Variants in SMARCB1 observed in about 807,000 individuals in gnomAD.
SMARCB1 encodes SWI/SNF related BAF chromatin remodeling complex subunit B1, also known as SWI/SNF-related matrix-associated actin-dependent regulator of chromatin subfamily B member 1.
In SMARCB1, 5 loss-of-function variants were observed where a neutral mutation model predicts 49.0. The observed-to-expected ratio is 0.10, with a 90% CI of 0.05 to 0.21. The LOEUF (loss-of-function observed/expected upper bound fraction) is 0.21, where lower values mean the gene tolerates loss of function less well. Among genes scored for constraint, SMARCB1 ranks in the 10% least tolerant of loss-of-function variants. SMARCB1 has a pLI of 1.00. For missense variants in SMARCB1, 226 were observed against 509.2 expected (o/e 0.44, Z 5.35); for synonymous variants, 201 against 200.1 (o/e 1.00, Z -0.04).
intron 3 of SMARCB1, among the ~76,000 whole-genome samples, chr22:23,799,257 C>G (rs1282175655): frequency 1.3e-5 from 2 of 151,744 alleles, no homozygotes; most frequent in African/African-American, 2.4e-5. Context: ...AGCCCTGGAG[C>G]CTTAGTTTAA....
In SMARCB1 at chr22:23,837,195, C is replaced by T. The variant is rs376608856; in HGVS notation, c.*3015C>T. The T allele has an allele frequency of 1.9e-6, 3 of 1,609,072 alleles. No individual in the cohort carries two copies. Among genetic ancestry groups the T allele is most frequent in the Admixed American group, 1.7e-5 (1 of 59,148 alleles). Reference sequence around the variant, plus strand: ...GGACTGTGGGGTCACCCTCCACAGCCCAGAGTCCTAGACCAGCAGAGCCTG... The same window carrying T: ...GGACTGTGGGGTCACCCTCCACAGCTCAGAGTCCTAGACCAGCAGAGCCTG... On this transcript the variant is annotated 3_prime_UTR_variant, in exon 9 of 9. Transcript: ENST00000644036.
chr22:23,826,488 A>C (rs1268726264), intron 7 of SMARCB1, among the ~76,000 whole-genome samples: 1 of 151,386 alleles, frequency 6.6e-6, no homozygotes, highest in Non-Finnish European at 1.5e-5. Context: ...TAGGACTGGG[A>C]AGCCCCGTGG....
rs34725423 is a variant in SMARCB1 at position 23,806,898 on chromosome 22, C to T, written c.628+3476C>T. On this transcript the variant is annotated intron_variant, in intron 5 of 8. Coordinates refer to ENST00000644036, the MANE Select transcript of SMARCB1 (RefSeq NM_003073.5). ...TTGTGGCATTGCACTTCAACCTGGG[C>T]GACAGAGTGAGACTCTATCTCAAAA... 8.7e-3 allele frequency among the ~76,000 whole-genome samples: 1,134 copies of T among 129,732 alleles called. 7 individuals carry two copies. Among genetic ancestry groups the T allele is most frequent in the Middle Eastern group, 0.016 (3 of 186 alleles). The allele number at this position is 129,732 out of a possible 152,430, so 85.1% of individuals were successfully genotyped here. A position where few individuals can be genotyped will look rare whatever the true frequency, so the allele number is the denominator to read the frequency against.
intron 7 of SMARCB1, among the ~76,000 whole-genome samples, chr22:23,826,532 G>A (rs1014331913): frequency 6.6e-6 from 1 of 152,124 alleles, no homozygotes; most frequent in Non-Finnish European, 1.5e-5. Flanking sequence ...GGGATGGGGT[G>A]GGGGTGCAGC....
At chr22:23,804,162 ATTTAT>A (rs1700775902) in intron 5 of SMARCB1, 1 of 151,500 alleles carries the variant, frequency 6.6e-6, no homozygotes, top group Non-Finnish European at 1.5e-5. Flanking sequence ...TGAACATACT[ATTTAT>A]ATTCAGACAA....
chr22:23,813,954 C>T (rs922538289), intron 5 of SMARCB1, among the ~76,000 whole-genome samples: 1 of 152,046 alleles, frequency 6.6e-6, no homozygotes, highest in South Asian at 2.1e-4. Context: ...CTTAGTCTCC[C>T]GAGTAGGTGG....
At position 23,808,731 on chromosome 22, in the gene SMARCB1, T is replaced by C. The variant is rs183485620; in HGVS notation, c.628+5309T>C. ...TTTTTTTTTGAGACGGAGTTTCCGC[T>C]CTTGTTGCCCAGGCTGGAGTGCAGT... On this transcript the variant is annotated intron_variant, in intron 5 of 8. Coordinates refer to ENST00000644036, the MANE Select transcript of SMARCB1 (RefSeq NM_003073.5). Among the ~76,000 whole-genome samples the C allele has an allele frequency of 2.7e-3, 404 of 150,492 alleles. 3 individuals carry two copies. Among genetic ancestry groups the C allele is most frequent in the African/African-American group, 9.2e-3 (373 of 40,728 alleles).
Position 23,835,926 on chromosome 22 carries a change from G to A in SMARCB1, c.*1746G>A, listed in dbSNP as rs549121794. The A allele has an allele frequency of 1.6e-4, 159 of 985,382 alleles. No homozygotes were observed. The highest frequency in any genetic ancestry group is 1.9e-4 in the Non-Finnish European group (154 of 829,960). The allele number at this position is 985,382 out of a possible 1,614,324, so 61.0% of individuals were successfully genotyped here. A position where few individuals can be genotyped will look rare whatever the true frequency, so the allele number is the denominator to read the frequency against. On this transcript the variant is annotated 3_prime_UTR_variant, in exon 9 of 9. Coordinates refer to ENST00000644036, the MANE Select transcript of SMARCB1 (RefSeq NM_003073.5). Reference sequence around the variant, plus strand: ...TCTCCACAAGGTCTGGCTACAACACGGAGGGCAGACTCAACAGAGAACAGT... The same window carrying A: ...TCTCCACAAGGTCTGGCTACAACACAGAGGGCAGACTCAACAGAGAACAGT...
chr22:23,798,908 G>A (rs534147983), intron 3 of SMARCB1, among the ~76,000 whole-genome samples: 248 of 152,204 alleles, frequency 1.6e-3, no homozygotes, highest in Non-Finnish European at 3.1e-3. Flanking sequence ...AACTTAGCCG[G>A]GCGTGGTGGT....
chr22:23,794,165 A>T (rs1157478202), intron 3 of SMARCB1, among the ~76,000 whole-genome samples: 2 of 152,198 alleles, frequency 1.3e-5, no homozygotes, highest in African/African-American at 4.8e-5. Flanking sequence ...CTGGTCTCGA[A>T]ACCCCACCTC....
At chr22:23,815,602 G>T (rs993949657) in intron 5 of SMARCB1, 2 of 152,172 alleles carry the variant, frequency 1.3e-5, no homozygotes, top group African/African-American at 4.8e-5. Flanking sequence ...ATGAAGACAT[G>T]TTTATACAAT....
chr22:23,787,297 CGGCCCCGCGGGAGCCCCGGGGCG>C, intron 1 of SMARCB1, 35 bp downstream of exon 1: 1 of 1,362,332 alleles, frequency 7.3e-7, no homozygotes, highest in Admixed American at 1.8e-5. Flanking sequence ...TCCCCGGGCT[CGGCCCCGCGGGAGCCCCGGGGCG>C]GGCCCATGCG....
At chr22:23,787,563 C>T (rs1299985198) in intron 1 of SMARCB1, among the ~76,000 whole-genome samples, 6 of 152,202 alleles carry the variant, frequency 3.9e-5, no homozygotes, top group African/African-American at 1.4e-4. Flanking sequence ...CGCAAAGAAA[C>T]GGGATATTGA....
intron 3 of SMARCB1, among the ~76,000 whole-genome samples, chr22:23,796,874 A>C (rs1051335660): frequency 6.6e-6 from 1 of 152,130 alleles, no homozygotes; most frequent in Non-Finnish European, 1.5e-5. Context: ...CTGGCTCCAC[A>C]CTACTCAGTC....
chr22:23,789,314 C>G (rs568958078), intron 1 of SMARCB1, among the ~76,000 whole-genome samples: 1 of 152,372 alleles, frequency 6.6e-6, no homozygotes, highest in East Asian at 1.9e-4. Flanking sequence ...ACCTGCCTAA[C>G]TGCAGAATGC....
rs61000279 is a variant in SMARCB1, at chr22:23,806,919, CAAAAAAAA to C, written c.628+3511_628+3518del. Among the ~76,000 whole-genome samples, 52 of 86,856 alleles carry C rather than the reference CAAAAAAAA, an allele frequency of 6.0e-4. No individual in the cohort carries two copies. The South Asian group carries it at 0.019, about 32-fold the overall frequency. The allele number at this position is 86,856 out of a possible 152,430, so 57.0% of individuals were successfully genotyped here. On this transcript the variant is annotated intron_variant, in intron 5 of 8. Transcript: ENST00000644036. Reference sequence around the variant, plus strand: ...TGGGCGACAGAGTGAGACTCTATCTCAAAAAAAAAAAAAAAAAAAAAGGAATCAGGATT... The same window carrying C: ...TGGGCGACAGAGTGAGACTCTATCTCAAAAAAAAAAAAAGGAATCAGGATT...
At chr22:23,820,587 G>A (rs572593711) in intron 6 of SMARCB1, among the ~76,000 whole-genome samples, 4 of 152,300 alleles carry the variant, frequency 2.6e-5, no homozygotes, top group Admixed American at 2.6e-4. Flanking sequence ...GTCAATCAGT[G>A]TTTGGTAGAA....
At chr22:23,812,290 T>C (rs1021040249) in intron 5 of SMARCB1, among the ~76,000 whole-genome samples, 10 of 152,140 alleles carry the variant, frequency 6.6e-5, no homozygotes, top group African/African-American at 2.4e-4. Context: ...ATCCAATCTC[T>C]AATTAAATTT....
chr22:23,821,337 C>T (rs2030076231), intron 6 of SMARCB1, among the ~76,000 whole-genome samples: 1 of 151,778 alleles, frequency 6.6e-6, no homozygotes, highest in Admixed American at 6.5e-5. Context: ...GAACAGTGTC[C>T]TGTCTTGCCC....
Sources: allele counts gnomAD v4.1 joint callset (sites outside exome capture counted in the v4.1 genomes callset), GRCh38; gene constraint gnomAD v4.1.1; transcripts MANE v1.5; gene names NCBI Gene and HGNC (gene_info 2026-07-23, HGNC 2026-07-21).